EEFSEC: variants seen among roughly 807,000 people sequenced by gnomAD.
EEFSEC encodes eukaryotic elongation factor, selenocysteine-tRNA specific, also known as selenocysteine-specific elongation factor.
A neutral mutation model predicts 42.1 loss-of-function variants in EEFSEC; 43 were observed. That is an observed-to-expected ratio of 1.02 (90% CI 0.80 to 1.32). The LOEUF (loss-of-function observed/expected upper bound fraction) is 1.32. EEFSEC is among the 40% of genes most tolerant of loss of function. The pLI, the probability that EEFSEC is intolerant of heterozygous loss-of-function variation, is 0.00. For missense variants in EEFSEC, 745 were observed against 803.6 expected (o/e 0.93, Z 0.88); for synonymous variants, 354 against 339.1 (o/e 1.04, Z -0.48).
chr3:128,341,340 G>A lies in EEFSEC; in HGVS notation c.894G>A (p.Leu298=), dbSNP rs774222174. 6.2e-7 allele frequency: 1 copy of A among 1,614,174 alleles called. No individual in the cohort carries two copies. Among genetic ancestry groups the A allele is most frequent in the South Asian group, 1.1e-5 (1 of 91,078 alleles). ...ICVTQFDPKL[L]ERGLVCAPES... is the part of the protein sequence containing the mutation. Reference sequence around the variant, plus strand: ...TCACCCAGTTTGACCCTAAGCTGCTGGAGCGCGGGTTGGTGTGTGCCCCCG... The same window carrying A: ...TCACCCAGTTTGACCCTAAGCTGCTAGAGCGCGGGTTGGTGTGTGCCCCCG... The change falls in exon 5 of 7, where the codon CTG becomes CTA. Residue 298 remains leucine (L), a synonymous_variant. Transcript: ENST00000254730.
intron 5 of EEFSEC, among the ~76,000 whole-genome samples, chr3:128,347,539 A>T (rs1039008147): frequency 1.3e-5 from 2 of 152,236 alleles, no homozygotes; most frequent in African/African-American, 2.4e-5. Flanking sequence ...ACATTCTCAG[A>T]GGAGAAACTG....
intron 3 of EEFSEC, among the ~76,000 whole-genome samples, chr3:128,264,105 C>T (rs1024092201): frequency 6.6e-6 from 1 of 152,122 alleles, no homozygotes; most frequent in East Asian, 1.9e-4. Context: ...GCAGTACAGG[C>T]GAGGCTCAGC....
chr3:128,325,554 G>A (rs968987181), intron 4 of EEFSEC, among the ~76,000 whole-genome samples: 2 of 152,212 alleles, frequency 1.3e-5, no homozygotes, highest in African/African-American at 4.8e-5. Flanking sequence ...AAGAGTCTTT[G>A]CAGCCTCAGG....
chr3:128,266,740 G>A (rs991497919), intron 4 of EEFSEC, among the ~76,000 whole-genome samples: 1 of 151,816 alleles, frequency 6.6e-6, no homozygotes, highest in African/African-American at 2.4e-5. Flanking sequence ...CTGCTGTCAT[G>A]TCCTCCTCTG....
At chr3:128,273,740 G>A (rs1252434297) in intron 4 of EEFSEC, among the ~76,000 whole-genome samples, 1 of 152,234 alleles carries the variant, frequency 6.6e-6, no homozygotes, top group African/African-American at 2.4e-5. Flanking sequence ...TCTTCTGCAA[G>A]GATGGCACTG....
Position 128,216,561 on chromosome 3 carries a change from C to CCTGCCCCT in EEFSEC, c.317-30265_317-30258dup, listed in dbSNP as rs369703161. ...CTCAGCCACGTTACCTGCCCACCCA[C>CCTGCCCCT]CTGCCCCTCTGCCCCTCGACCAGCC... On this transcript the variant is annotated intron_variant, in intron 1 of 6. Transcript: ENST00000254730. Among the ~76,000 whole-genome samples the CCTGCCCCT allele has an allele frequency of 2.8e-4, 43 of 152,354 alleles. No homozygotes were observed. In the East Asian group the frequency reaches 3.5e-3, roughly 12 times the overall value.
At chr3:128,213,923 C>CGTAAAG (rs2065784407) in intron 1 of EEFSEC, among the ~76,000 whole-genome samples, 1 of 152,172 alleles carries the variant, frequency 6.6e-6, no homozygotes, top group Admixed American at 6.5e-5. Context: ...GCCCCAACCT[C>CGTAAAG]AGCCAAGTAA....
chr3:128,156,535 A>G (rs1458481703), intron 1 of EEFSEC, among the ~76,000 whole-genome samples: 1 of 152,246 alleles, frequency 6.6e-6, no homozygotes, highest in African/African-American at 2.4e-5. Context: ...CAACCCATCC[A>G]ACAGCATTGC....
chr3:128,295,451 CT>C (rs201911929), intron 4 of EEFSEC, among the ~76,000 whole-genome samples: 386 of 63,996 alleles, frequency 6.0e-3, no homozygotes, highest in African/African-American at 0.018. Context: ...CTTCCCCCTA[CT>C]TTTTTTTTTT....
chr3:128,235,962 G>GTTTGTTTT (rs2066005717), intron 1 of EEFSEC, among the ~76,000 whole-genome samples: 1 of 152,074 alleles, frequency 6.6e-6, no homozygotes, highest in Non-Finnish European at 1.5e-5. Context: ...TTGTTTGTTT[G>GTTTGTTTT]TTTGTTTGTT....
chr3:128,349,228 T>A (rs1273241828), intron 5 of EEFSEC, among the ~76,000 whole-genome samples: 2 of 151,540 alleles, frequency 1.3e-5, no homozygotes, highest in Non-Finnish European at 2.9e-5. Context: ...CCCTTCACCC[T>A]GCAGGGGGGA....
At chr3:128,393,283 C>A (rs2067938553) in intron 6 of EEFSEC, among the ~76,000 whole-genome samples, 1 of 152,214 alleles carries the variant, frequency 6.6e-6, no homozygotes, top group African/African-American at 2.4e-5. Flanking sequence ...AGCACCTTTC[C>A]AGGGTACTGG....
At chr3:128,161,606 C>T (rs1235707056) in intron 1 of EEFSEC, among the ~76,000 whole-genome samples, 1 of 152,178 alleles carries the variant, frequency 6.6e-6, no homozygotes, top group African/African-American at 2.4e-5. Context: ...GAGAAACATC[C>T]AAGAGCCTAC....
rs115036472 is a variant in EEFSEC at position 128,372,540 on chromosome 3, G to A, written c.1600+14167G>A. On this transcript the variant is annotated intron_variant, in intron 6 of 6. Transcript: ENST00000254730. Reference sequence around the variant, plus strand: ...GCAAGGGGAGGAAAACCCCTTCCTGGCTAGGTGCTGGGGGTACAGAGGGCC... The same window carrying A: ...GCAAGGGGAGGAAAACCCCTTCCTGACTAGGTGCTGGGGGTACAGAGGGCC... 2.3e-3 allele frequency among the ~76,000 whole-genome samples: 355 copies of A among 152,312 alleles called. 1 individual carries two copies. The highest frequency in any genetic ancestry group is 7.9e-3 in the African/African-American group (327 of 41,570).
chr3:128,268,473 T>C (rs1369066886), intron 4 of EEFSEC, among the ~76,000 whole-genome samples: 2 of 152,164 alleles, frequency 1.3e-5, no homozygotes, highest in Non-Finnish European at 2.9e-5. Flanking sequence ...GAGGGTAGAC[T>C]ATAGTAGGTT....
intron 6 of EEFSEC, chr3:128,362,163 C>T (rs781457022): frequency 1.4e-5 from 7 of 501,954 alleles, no homozygotes; most frequent in African/African-American, 5.9e-5. Context: ...CTTGGCAAGC[C>T]GTCTGTCCCA....
At chr3:128,257,841 C>G (rs371734676) in intron 2 of EEFSEC, among the ~76,000 whole-genome samples, 4 of 152,178 alleles carry the variant, frequency 2.6e-5, no homozygotes, top group East Asian at 1.9e-4. Context: ...GCTGTCCCCC[C>G]CCAGCATGGA....
At chr3:128,308,069 G>A (rs1383156945) in intron 4 of EEFSEC, among the ~76,000 whole-genome samples, 1 of 152,232 alleles carries the variant, frequency 6.6e-6, no homozygotes, top group African/African-American at 2.4e-5. Context: ...GGAACTCACG[G>A]CAACTTGCAC....
At chr3:128,248,083 G>T (rs1380878648) in intron 2 of EEFSEC, among the ~76,000 whole-genome samples, 1 of 152,176 alleles carries the variant, frequency 6.6e-6, no homozygotes, top group East Asian at 1.9e-4. Context: ...TAATTCTGAT[G>T]TGGTCAAGAA....
Sources: allele counts gnomAD v4.1 joint callset (sites outside exome capture counted in the v4.1 genomes callset), GRCh38; gene constraint gnomAD v4.1.1; transcripts MANE v1.5; gene names NCBI Gene and HGNC (gene_info 2026-07-23, HGNC 2026-07-21).